Variants in ATP8B3 observed in about 807,000 individuals in gnomAD.
The protein encoded by ATP8B3 is phospholipid-transporting ATPase IK.
Under a neutral mutation model 140.9 loss-of-function variants are expected in ATP8B3, and 141 were observed. That is an observed-to-expected ratio of 1.00 (90% CI 0.87 to 1.15). The LOEUF (loss-of-function observed/expected upper bound fraction) is 1.15, where lower values mean the gene tolerates loss of function less well. ATP8B3 is among the 50% of genes most tolerant of loss of function. The pLI, the probability that ATP8B3 is intolerant of heterozygous loss-of-function variation, is 0.00. For missense variants in ATP8B3, 1,874 were observed against 1,740.6 expected, an observed-to-expected ratio of 1.08 and a Z score of -1.36; for synonymous variants, 765 against 714.6, an observed-to-expected ratio of 1.07 and a Z score of -1.13.
chr19:1,789,008 GC>G lies in ATP8B3; in HGVS notation c.2957del (p.Gly986AlafsTer23). The G allele has an allele frequency of 6.2e-7, 1 of 1,610,272 alleles. No individual in the cohort carries two copies. The highest frequency in any genetic ancestry group is 8.5e-7 in the Non-Finnish European group (1 of 1,178,814). ...CFLQRLLLVH[G>X]RWSYVRICKF... is the part of the protein sequence containing the mutation. Reference sequence around the variant, plus strand: ...TGCAGATCCGCACGTAGGACCAGCGGCCGTGCACCAGCAGGAGGCGCTGCAG... The same window carrying G: ...TGCAGATCCGCACGTAGGACCAGCGGCGTGCACCAGCAGGAGGCGCTGCAG... On this transcript the variant is annotated frameshift_variant, in exon 24 of 29. Coordinates refer to ENST00000310127, the MANE Select transcript of ATP8B3 (RefSeq NM_138813.4). LOFTEE classifies it high-confidence loss of function.
At chr19:1,810,872 G>T (rs2069169499) in intron 2 of ATP8B3, among the ~76,000 whole-genome samples, 189 bp from the exon 3 acceptor site, 1 of 152,132 alleles carries the variant, frequency 6.6e-6, no homozygotes, top group Non-Finnish European at 1.5e-5. Context: ...GACATCCTGA[G>T]ACCTAGGGGA....
chr19:1,809,830 C>A, intron 3 of ATP8B3, 96 bp from the exon 4 acceptor site: 1 of 1,188,086 alleles, frequency 8.4e-7, no homozygotes, highest in South Asian at 1.3e-5. Context: ...CCGTGGGACC[C>A]AGGCACTGGG....
chr19:1,790,922 C>T (rs1009218066), intron 20 of ATP8B3, 90 bp from the exon 21 acceptor site: 12 of 1,157,514 alleles, frequency 1.0e-5, no homozygotes, highest in African/African-American at 6.1e-5. Context: ...AATCCTGGCC[C>T]GACCAATGGC....
rs540061592 is a variant in ATP8B3, at chr19:1,786,989, C to T, written c.3153+114G>A. Reference sequence around the variant, plus strand: ...GGTACTGGACTGCACCCCCTGAGCCCCACCCCATGGCCTGAAGGTCTCCCA... The same window carrying T: ...GGTACTGGACTGCACCCCCTGAGCCTCACCCCATGGCCTGAAGGTCTCCCA... On this transcript the variant is annotated intron_variant, in intron 25 of 28. Coordinates refer to ENST00000310127, the MANE Select transcript of ATP8B3 (RefSeq NM_138813.4). 79 of 997,146 alleles carry T rather than the reference C, an allele frequency of 7.9e-5. No homozygotes were observed. The African/African-American group carries it at 1.1e-3, about 14-fold the overall frequency. The allele number at this position is 997,146 out of a possible 1,614,324, so 61.8% of individuals were successfully genotyped here.
At position 1,789,514 on chromosome 19, in the gene ATP8B3, C is replaced by A. The variant is rs764321283; in HGVS notation, c.2692G>T (p.Ala898Ser). Reference sequence around the variant, plus strand: ...CACTTGGACGCCAGGTCCACGAAGGCGCGCTCCTGCAGCACCTCGGAGCTA... The same window carrying A: ...CACTTGGACGCCAGGTCCACGAAGGAGCGCTCCTGCAGCACCTCGGAGCTA... ...RRSSEVLQERAFVDLASKCQA... is the reference protein window; with the variant it reads ...RRSSEVLQERSFVDLASKCQA... Residue 898 changes from alanine (A) to serine (S), a missense_variant, in exon 23 of 29, where the codon GCC becomes TCC. Physicochemically the swap from Ala to Ser is moderately conservative, Grantham distance 99. This residue lies in a region of ATP8B3 where 840 missense variants were observed against 760.9 expected (regional missense o/e 1.10). Coordinates refer to ENST00000310127, the MANE Select transcript of ATP8B3 (RefSeq NM_138813.4). 1.9e-6 allele frequency: 3 copies of A among 1,597,974 alleles called. No homozygotes were observed. In the African/African-American group the frequency reaches 4.0e-5, roughly 21 times the overall value.
In ATP8B3 at chr19:1,801,266, C is replaced by T. The variant is rs544821177; in HGVS notation, c.1152+690G>A. On this transcript the variant is annotated intron_variant, in intron 12 of 28. Transcript: ENST00000310127. Reference sequence around the variant, plus strand: ...TCTGGGGTTCAAGCGATTCTCCTGCCTCAGCCTCCCAAGTAGCTGGGATTA... The same window carrying T: ...TCTGGGGTTCAAGCGATTCTCCTGCTTCAGCCTCCCAAGTAGCTGGGATTA... Among the ~76,000 whole-genome samples, 4 of 152,216 alleles carry T rather than the reference C, an allele frequency of 2.6e-5. No individual in the cohort carries two copies. In the East Asian group the frequency reaches 5.8e-4, roughly 22 times the overall value.
At chr19:1,793,804 G>A (rs773710626) in intron 18 of ATP8B3, among the ~76,000 whole-genome samples, 3 of 152,056 alleles carry the variant, frequency 2.0e-5, no homozygotes, top group Non-Finnish European at 4.4e-5. Context: ...GTGTAGTGGC[G>A]CGATCTTGGC....
In ATP8B3 at chr19:1,800,035, C is replaced by T. The variant is rs1600450247; in HGVS notation, c.1464G>A (p.Gln488=). The T allele has an allele frequency of 2.5e-6, 4 of 1,603,272 alleles. No individual in the cohort carries two copies. The highest frequency in any genetic ancestry group is 2.2e-5 in the East Asian group (1 of 44,536). Residue 488 remains glutamine, a synonymous_variant, in exon 14 of 29, where the codon CAG becomes CAA. Coordinates refer to ENST00000310127, the MANE Select transcript of ATP8B3 (RefSeq NM_138813.4). This position sits in a 1 kb window ranked among gnomAD's most constrained non-coding sequence, Gnocchi z 4.4. ...RSTSLNDHLG[Q]VEYIFSDKTG... ...TCTTGTCCGAGAAGATGTATTCCAC[C>T]TGGCCCAGGTGGTCGTTGAGGCTGG...
chr19:1,806,700 A>C lies in ATP8B3; in HGVS notation c.616-11T>G. ...ACTCTTGTGTCTCCCCTGGGCCAGG[A>C]GGGAAAGGATCAGAGAGACCGTCCA... On this transcript the variant is annotated splice_polypyrimidine_tract_variant and intron_variant, in intron 6 of 28. Transcript: ENST00000310127. The surrounding 1 kb of genome is among the most constrained non-coding windows in gnomAD (Gnocchi z 5.6). 1 of 1,558,530 alleles carries C rather than the reference A, an allele frequency of 6.4e-7. No homozygotes were observed. Among genetic ancestry groups the C allele is most frequent in the Non-Finnish European group, 8.7e-7 (1 of 1,151,658 alleles).
rs1238291128 is a variant in ATP8B3 at position 1,792,146 on chromosome 19, G to A, written c.2056-11C>T. 6.4e-7 allele frequency: 1 copy of A among 1,565,276 alleles called. No individual in the cohort carries two copies. The highest frequency in any genetic ancestry group is 8.6e-7 in the Non-Finnish European group (1 of 1,163,374). On this transcript the variant is annotated splice_polypyrimidine_tract_variant and intron_variant, in intron 18 of 28. Transcript: ENST00000310127. ...CTCCTGGGCAAAGGCCTGGGGGCCG[G>A]GCAGGTGGAAGCTGTCACCATGCTG...
In ATP8B3 at chr19:1,804,649, T is replaced by C. The variant is rs570762983; in HGVS notation, c.904+725A>G. On this transcript the variant is annotated intron_variant, in intron 10 of 28. Transcript: ENST00000310127. Reference sequence around the variant, plus strand: ...AAAGAAACCCCGTCTCTATTAAAAATACAAAAATTAGCTGGGAGTGGTGGC... The same window carrying C: ...AAAGAAACCCCGTCTCTATTAAAAACACAAAAATTAGCTGGGAGTGGTGGC... Among the ~76,000 whole-genome samples, 173 of 150,088 alleles carry C rather than the reference T, an allele frequency of 1.2e-3. 1 individual carries two copies. The highest frequency in any genetic ancestry group is 3.9e-3 in the African/African-American group (157 of 40,768).
chr19:1,796,928 G>C, intron 15 of ATP8B3, 46 bp downstream of exon 15: 8 of 1,611,992 alleles, frequency 5.0e-6, no homozygotes, highest in Non-Finnish European at 6.8e-6. Flanking sequence ...CGCTCCCCGT[G>C]CCCCGTCCCC....
rs1469814634 is a variant in ATP8B3 at position 1,783,123 on chromosome 19, G to A, written c.3808C>T (p.Leu1270=). Residue 1270 remains leucine, a synonymous_variant, in exon 29 of 29, where the codon CTG becomes TTG. Coordinates refer to ENST00000310127, the MANE Select transcript of ATP8B3 (RefSeq NM_138813.4). ...CTGCTGACCCCTGGTCCCCTCCGCA[G>A]AATTGTGCCCTGAGTGATGAGGTTT... ...YANLITQGTI[L]RRGPGVSSDI... 1.2e-6 allele frequency: 2 copies of A among 1,613,716 alleles called. No homozygotes were observed.
chr19:1,803,821 G>A (rs893969938), intron 10 of ATP8B3, among the ~76,000 whole-genome samples: 12 of 150,948 alleles, frequency 7.9e-5, no homozygotes, highest in Admixed American at 6.6e-4. Flanking sequence ...GCTTGAACCC[G>A]GGAGGCGGAG....
At chr19:1,789,783 C>T in intron 22 of ATP8B3, 56 bp from the exon 23 acceptor site, 3 of 1,558,798 alleles carry the variant, frequency 1.9e-6, no homozygotes, top group Non-Finnish European at 2.6e-6. Flanking sequence ...CCAGACTGGA[C>T]CCTACCCGGC....
intron 18 of ATP8B3, among the ~76,000 whole-genome samples, chr19:1,793,179 C>T (rs1439262007): frequency 6.6e-6 from 1 of 151,606 alleles, no homozygotes; most frequent in Non-Finnish European, 1.5e-5. Flanking sequence ...CAGCCTCGAA[C>T]TCCTGGGCTC....
At chr19:1,789,861 C>A (rs2068436664) in intron 22 of ATP8B3, 29 bp downstream of exon 22, 2 of 1,608,248 alleles carry the variant, frequency 1.2e-6, no homozygotes, top group South Asian at 1.1e-5. Context: ...GGCGCCGGGA[C>A]CCCGCCGTCC....
rs918813644 is a variant in ATP8B3 at position 1,806,942 on chromosome 19, G to A, written c.615+226C>T. Among the ~76,000 whole-genome samples the A allele has an allele frequency of 2.6e-5, 4 of 152,014 alleles. No individual in the cohort carries two copies. Among genetic ancestry groups the A allele is most frequent in the African/African-American group, 9.7e-5 (4 of 41,378 alleles). On this transcript the variant is annotated intron_variant, in intron 6 of 28. Transcript: ENST00000310127. The surrounding 1 kb of genome is among the most constrained non-coding windows in gnomAD (Gnocchi z 5.6). ...AGACCACCCCCCACCAAAGCTCAAT[G>A]GCCCCAAAACCACGCACCGACAGAG...
At position 1,794,035 on chromosome 19, in the gene ATP8B3, T is replaced by C. The variant is rs114228349; in HGVS notation, c.2055+1840A>G. Among the ~76,000 whole-genome samples the C allele has an allele frequency of 2.8e-3, 426 of 150,008 alleles. 2 individuals carry two copies. Among genetic ancestry groups the C allele is most frequent in the African/African-American group, 1.0e-2 (406 of 40,658 alleles). ...ACAGGCGTGAGCCATCGCGCCAGCC[T>C]GTTTATTAAGAGACAGGGGTCTCGC... On this transcript the variant is annotated intron_variant, in intron 18 of 28. Coordinates refer to ENST00000310127, the MANE Select transcript of ATP8B3 (RefSeq NM_138813.4). The surrounding 1 kb of genome is among the most constrained non-coding windows in gnomAD (Gnocchi z 4.8).
Sources: gnomAD v4.1 joint callset for allele counts (sites outside exome capture counted in the v4.1 genomes callset) on GRCh38, gnomAD v4.1.1 for gene constraint, gnomAD v4.1.1 regional missense constraint, Gnocchi (gnomAD v3.1) non-coding constraint, MANE v1.5 for transcripts, NCBI Gene and HGNC (gene_info 2026-07-23, HGNC 2026-07-21) for gene names.